Variants in CCDC85C observed in about 807,000 individuals in gnomAD.
CCDC85C encodes the protein coiled-coil domain containing 85C, also known as coiled-coil domain-containing protein 85C.
CCDC85C carries 18 observed loss-of-function variants against 38.3 expected under a neutral mutation model. The observed-to-expected ratio is 0.47, with a 90% confidence interval of 0.33 to 0.70. The LOEUF is 0.70. Among genes scored for constraint, CCDC85C ranks in the 30% least tolerant of loss-of-function variants. The pLI is 0.03. For synonymous variants in CCDC85C, 264 were observed against 293.8 expected (o/e 0.90, Z 1.04); for missense variants, 566 against 621.2 (o/e 0.91, Z 0.94).
At position 99,504,381 on chromosome 14, in the gene CCDC85C, C is replaced by T. The variant is rs1012027453; in HGVS notation, c.*10865G>A. ...TTCATTAAACTGCTGTGAAATCTTCCAGTTATGATAGAGCTACTTTTTTTT... is the reference window on the plus strand; with the variant it reads ...TTCATTAAACTGCTGTGAAATCTTCTAGTTATGATAGAGCTACTTTTTTTT... On this transcript the variant is annotated 3_prime_UTR_variant, in exon 6 of 6. Coordinates refer to ENST00000380243, the MANE Select transcript of CCDC85C (RefSeq NM_001144995.2). 6.6e-6 allele frequency: 1 copy of T among 151,210 alleles called. No individual in the cohort carries two copies. Among genetic ancestry groups the T allele is most frequent in the African/African-American group, 2.4e-5 (1 of 40,908 alleles). The allele number at this position is 151,210 out of a possible 1,614,324, so 9.4% of individuals were successfully genotyped here.
chr14:99,595,576 A>G (rs1435240719), intron 1 of CCDC85C, among the ~76,000 whole-genome samples: 3 of 152,056 alleles, frequency 2.0e-5, no homozygotes, highest in African/African-American at 7.2e-5. Flanking sequence ...TTCAAGGCCC[A>G]TCTCAGTTCC....
At chr14:99,577,890 C>T (rs1898522694) in intron 1 of CCDC85C, among the ~76,000 whole-genome samples, 1 of 150,442 alleles carries the variant, frequency 6.6e-6, no homozygotes, top group Non-Finnish European at 1.5e-5. Context: ...TCTCCACACC[C>T]ATACAGCCCA....
In CCDC85C at chr14:99,603,420, G is replaced by A; in HGVS notation, c.540C>T (p.Ile180=). Residue 180 remains isoleucine (I), a synonymous_variant, in exon 1 of 6, where the codon ATC becomes ATT. Coordinates refer to ENST00000380243, the MANE Select transcript of CCDC85C (RefSeq NM_001144995.2). The surrounding 1 kb of genome is among the most constrained non-coding windows in gnomAD (Gnocchi z 7.5). ...GGGGAGSRSS[I]DSQASLSGPL... is the part of the protein sequence containing the mutation. The stretch of plus-strand genomic sequence containing the variant: ...GCCCGCTCAGGCTGGCCTGGCTGTC[G>A]ATGGAGCTGCGGGAGCCGGCGCCGC... 1.6e-6 allele frequency: 2 copies of A among 1,270,418 alleles called. No individual in the cohort carries two copies. Among genetic ancestry groups the A allele is most frequent in the Non-Finnish European group, 2.0e-6 (2 of 1,012,110 alleles). The allele number at this position is 1,270,418 out of a possible 1,614,324, so 78.7% of individuals were successfully genotyped here.
In CCDC85C at chr14:99,533,709, G is replaced by A. The variant is rs1010611787; in HGVS notation, c.867+2306C>T. Among the ~76,000 whole-genome samples the A allele has an allele frequency of 2.0e-5, 3 of 152,184 alleles. No homozygotes were observed. Among genetic ancestry groups the A allele is most frequent in the South Asian group, 4.1e-4 (2 of 4,834 alleles). On this transcript the variant is annotated intron_variant, in intron 2 of 5. Transcript: ENST00000380243. The surrounding 1 kb of genome is among the most constrained non-coding windows in gnomAD (Gnocchi z 4.2). ...AGCTGGTGGGAGCAGGCCTGGGGAG[G>A]AAGAGGTCCCTGGGCAGAGCCAGCC...
At chr14:99,561,455 A>C (rs1202586515) in intron 1 of CCDC85C, among the ~76,000 whole-genome samples, 2 of 152,160 alleles carry the variant, frequency 1.3e-5, no homozygotes, top group Non-Finnish European at 2.9e-5. Context: ...ACGGCAGCAG[A>C]GCGCTCTGCT....
At chr14:99,581,692 A>T (rs2400757) in intron 1 of CCDC85C, among the ~76,000 whole-genome samples, 149,352 of 152,302 alleles carry the variant, frequency 0.98, 73,295 homozygotes, top group East Asian at 1. Flanking sequence ...CAGGGAAACA[A>T]CCTGGCAGTG....
Position 99,511,326 on chromosome 14 carries a change from T to C in CCDC85C, c.*3920A>G, listed in dbSNP as rs186672115. On this transcript the variant is annotated 3_prime_UTR_variant, in exon 6 of 6. Coordinates refer to ENST00000380243, the MANE Select transcript of CCDC85C (RefSeq NM_001144995.2). ...AAGGGGTTGCCTCATTGGATGGCTT[T>C]TTTTTTTTCCTCCAGGGAGAAGGGG... The C allele has an allele frequency of 2.6e-4, 40 of 152,252 alleles. No homozygotes were observed. Among genetic ancestry groups the C allele is most frequent in the African/African-American group, 9.1e-4 (38 of 41,548 alleles). 9.4% of individuals were successfully genotyped at this position (152,252 alleles called of 1,614,324 possible).
At chr14:99,590,661 A>G (rs760681358) in intron 1 of CCDC85C, among the ~76,000 whole-genome samples, 1 of 152,086 alleles carries the variant, frequency 6.6e-6, no homozygotes, top group Non-Finnish European at 1.5e-5. Context: ...TTCCCAACCA[A>G]CAAGGTAGGG....
At chr14:99,525,336 G>T (rs2139904313) in intron 2 of CCDC85C, among the ~76,000 whole-genome samples, 1 of 152,280 alleles carries the variant, frequency 6.6e-6, no homozygotes, top group South Asian at 2.1e-4. Flanking sequence ...GGCCTATGTG[G>T]GGCCACCCTG....
chr14:99,532,820 T>C (rs932290198), intron 2 of CCDC85C, among the ~76,000 whole-genome samples: 19 of 150,376 alleles, frequency 1.3e-4, no homozygotes, highest in African/African-American at 4.7e-4. Flanking sequence ...CTCACTCTGT[T>C]TCCCGGGTTG....
chr14:99,597,248 G>A (rs1595110164), intron 1 of CCDC85C, among the ~76,000 whole-genome samples: 2 of 152,292 alleles, frequency 1.3e-5, no homozygotes, highest in African/African-American at 4.8e-5. Flanking sequence ...GGCAGTAAAT[G>A]CTCAGTGAAG....
chr14:99,517,149 G>A lies in CCDC85C; in HGVS notation c.1010C>T (p.Pro337Leu), dbSNP rs551305610. Residue 337 changes from proline to leucine, a missense_variant, in exon 4 of 6, where the codon CCC becomes CTC. Coordinates refer to ENST00000380243, the MANE Select transcript of CCDC85C (RefSeq NM_001144995.2). ...PACPAPELPSPPSAGYSPAGQ... is the reference protein window; with the variant it reads ...PACPAPELPSLPSAGYSPAGQ... ...TGCAGGGCTGTAGCCAGCAGAGGGG[G>A]GCGAGGGCAGCTCAGGTGCGGGGCA... The A allele has an allele frequency of 2.5e-5, 38 of 1,549,912 alleles. No individual in the cohort carries two copies. Among genetic ancestry groups the A allele is most frequent in the Non-Finnish European group, 3.3e-5 (38 of 1,146,648 alleles).
intron 1 of CCDC85C, among the ~76,000 whole-genome samples, chr14:99,589,367 T>C (rs2055061255): frequency 6.6e-6 from 1 of 152,186 alleles, no homozygotes; most frequent in Non-Finnish European, 1.5e-5. Flanking sequence ...TGCCTTTGTG[T>C]TCTGTGTGGA....
chr14:99,595,116 C>A (rs892995238), intron 1 of CCDC85C, among the ~76,000 whole-genome samples: 1 of 152,224 alleles, frequency 6.6e-6, no homozygotes, highest in Non-Finnish European at 1.5e-5. Context: ...ACCCCACCGG[C>A]CCTGGCCTTG....
Position 99,510,451 on chromosome 14 carries a change from T to C in CCDC85C, c.*4795A>G. ...CCCGCCTACGGCCCACCTGCACACC[T>C]GCCCTACCACCCCCATGTCTACCCG... On this transcript the variant is annotated 3_prime_UTR_variant, in exon 6 of 6. Transcript: ENST00000380243. 1 of 1,503,466 alleles carries C rather than the reference T, an allele frequency of 6.7e-7. No homozygotes were observed. Among genetic ancestry groups the C allele is most frequent in the Non-Finnish European group, 8.9e-7 (1 of 1,127,434 alleles). The allele number at this position is 1,503,466 out of a possible 1,614,324, so 93.1% of individuals were successfully genotyped here.
chr14:99,539,362 C>T (rs113583582), intron 1 of CCDC85C, among the ~76,000 whole-genome samples: 3,360 of 150,326 alleles, frequency 0.022, 119 homozygotes, highest in African/African-American at 0.078. Flanking sequence ...CCCAGCTACT[C>T]AGGAGGCTGA....
At chr14:99,540,802 TGAGGAGGGGGTGG>T (rs1897697672) in intron 1 of CCDC85C, among the ~76,000 whole-genome samples, 1 of 152,080 alleles carries the variant, frequency 6.6e-6, no homozygotes, top group Admixed American at 6.5e-5. Flanking sequence ...CTTGCTCCCA[TGAGGAGGGGGTGG>T]GGGAAAGCTG....
intron 1 of CCDC85C, among the ~76,000 whole-genome samples, chr14:99,536,866 C>A (rs1013845428): frequency 3.9e-5 from 6 of 152,212 alleles, no homozygotes; most frequent in African/African-American, 7.2e-5. Context: ...TCCCCACCCC[C>A]ACGTCCAGCC....
rs1459373057 is a variant in CCDC85C at position 99,533,527 on chromosome 14, T to A, written c.867+2488A>T. 6.6e-6 allele frequency among the ~76,000 whole-genome samples: 1 copy of A among 152,230 alleles called. No homozygotes were observed. The highest frequency in any genetic ancestry group is 1.5e-5 in the Non-Finnish European group (1 of 68,028). On this transcript the variant is annotated intron_variant, in intron 2 of 5. Coordinates refer to ENST00000380243, the MANE Select transcript of CCDC85C (RefSeq NM_001144995.2). This position sits in a 1 kb window ranked among gnomAD's most constrained non-coding sequence, Gnocchi z 4.2. Reference sequence around the variant, plus strand: ...GTAACAACAAGCAGGCAACAGTGGGTTTCTGTCCCTAAATTCCAGTCCAAC... The same window carrying A: ...GTAACAACAAGCAGGCAACAGTGGGATTCTGTCCCTAAATTCCAGTCCAAC...
Sources: allele counts gnomAD v4.1 joint callset (sites outside exome capture counted in the v4.1 genomes callset), GRCh38; gene constraint gnomAD v4.1.1; non-coding constraint Gnocchi (gnomAD v3.1); transcripts MANE v1.5; gene names NCBI Gene and HGNC (gene_info 2026-07-23, HGNC 2026-07-21).